Variants in CNBD1 observed in about 807,000 individuals in gnomAD.
CNBD1 encodes the protein cyclic nucleotide-binding domain-containing protein 1.
In CNBD1, 71 loss-of-function variants were observed where a neutral mutation model predicts 54.4. That is an observed-to-expected ratio of 1.30 (90% CI 1.08 to 1.59). The LOEUF is 1.59. Among genes scored for constraint, CNBD1 ranks in the 40% most tolerant of loss-of-function variants. CNBD1 has a pLI of 0.00. For synonymous variants in CNBD1, 182 were observed against 170.7 expected (o/e 1.07, Z -0.51); for missense variants, 659 against 518.0 (o/e 1.27, Z -2.64).
chr8:87,129,166 A>G (rs1286802005), intron 4 of CNBD1, among the ~76,000 whole-genome samples: 3 of 150,610 alleles, frequency 2.0e-5, no homozygotes, highest in Non-Finnish European at 4.4e-5. Context: ...TGGTATCAGA[A>G]TCATTCTAGT....
intron 8 of CNBD1, among the ~76,000 whole-genome samples, chr8:87,306,758 G>T (rs1019741134): frequency 6.6e-6 from 1 of 152,056 alleles, no homozygotes; most frequent in Non-Finnish European, 1.5e-5. Flanking sequence ...TGGGGATGTG[G>T]GGGAAGAGTG....
intron 8 of CNBD1, among the ~76,000 whole-genome samples, chr8:87,323,338 G>A (rs1411589021): frequency 7.5e-6 from 1 of 133,972 alleles, no homozygotes; most frequent in Non-Finnish European, 1.6e-5. Context: ...CCAATTCTGT[G>A]AAGAAAGTCA....
chr8:87,129,714 A>T (rs889648524), intron 4 of CNBD1, among the ~76,000 whole-genome samples: 2 of 152,158 alleles, frequency 1.3e-5, no homozygotes, highest in African/African-American at 4.8e-5. Context: ...TTTTAGCTCT[A>T]TCCATAATTT....
intron 4 of CNBD1, among the ~76,000 whole-genome samples, chr8:86,965,153 A>G (rs1033234284): frequency 7.9e-5 from 12 of 152,232 alleles, no homozygotes; most frequent in Non-Finnish European, 1.5e-4. Context: ...TCTACACAGT[A>G]GTATCTTTGT....
intron 2 of CNBD1, among the ~76,000 whole-genome samples, chr8:87,418,683 T>A (rs1424220790): frequency 6.6e-6 from 1 of 151,762 alleles, no homozygotes; most frequent in Non-Finnish European, 1.5e-5. Context: ...AATACCTTAT[T>A]TAAAAATAGA....
intron 8 of CNBD1, among the ~76,000 whole-genome samples, chr8:87,344,223 G>A (rs1319431371): frequency 6.6e-6 from 1 of 151,910 alleles, no homozygotes; most frequent in Non-Finnish European, 1.5e-5. Flanking sequence ...AATATCAATA[G>A]GAAGAAAATA....
intron 6 of CNBD1, among the ~76,000 whole-genome samples, chr8:87,259,212 CCT>C (rs1808085472): frequency 6.6e-6 from 1 of 152,090 alleles, no homozygotes; most frequent in South Asian, 2.1e-4. Flanking sequence ...CCTAAACATC[CCT>C]CTTTTTAAAC....
At position 86,939,722 on chromosome 8, in the gene CNBD1, A is replaced by G; in HGVS notation, c.399A>G (p.Lys133=). Reference sequence around the variant, plus strand: ...ATAGACCAAAAAGAGCCACAGAGAAATTTGAAGAATTCCTAGCTATCTTAA... The same window carrying G: ...ATAGACCAAAAAGAGCCACAGAGAAGTTTGAAGAATTCCTAGCTATCTTAA... ...ILYRPKRATE[K]FEEFLAILKK... is the part of the protein sequence containing the mutation. Residue 133 remains lysine, a synonymous_variant, in exon 4 of 11, where the codon AAA becomes AAG. Transcript: ENST00000518476. 6.3e-7 allele frequency: 1 copy of G among 1,581,668 alleles called. No homozygotes were observed. The highest frequency in any genetic ancestry group is 8.6e-7 in the Non-Finnish European group (1 of 1,161,474).
intron 10 of CNBD1, among the ~76,000 whole-genome samples, chr8:87,380,082 C>T (rs1024938865): frequency 4.6e-5 from 7 of 151,740 alleles, no homozygotes; most frequent in African/African-American, 1.7e-4. Context: ...GACAAAGGAA[C>T]CAAATATCTG....
In CNBD1 at chr8:87,423,523, A is replaced by T. The variant is rs967045037; in HGVS notation, c.214-5023A>T. On this transcript the variant is annotated intron_variant, in intron 2 of 7. Transcript: ENST00000521593. ...TTTGTCAAAGGCCTTTTCTGCATCT[A>T]TTGAGATAATCATGTGGTTTCTGTC... 2.3e-4 allele frequency among the ~76,000 whole-genome samples: 35 copies of T among 151,372 alleles called. No homozygotes were observed. In the East Asian group the frequency reaches 6.0e-3, roughly 26 times the overall value.
intron 4 of CNBD1, among the ~76,000 whole-genome samples, chr8:86,994,832 C>T (rs1171245413): frequency 1.3e-5 from 2 of 152,138 alleles, no homozygotes; most frequent in Non-Finnish European, 2.9e-5. Context: ...GTGGGAGTGG[C>T]ACTTCCTGCC....
At chr8:87,205,922 A>T in intron 4 of CNBD1, 71 bp from the exon 5 acceptor site, 1 of 1,219,954 alleles carries the variant, frequency 8.2e-7, no homozygotes. Context: ...GAAACTTAAA[A>T]ATTAAGGATC....
intron 3 of CNBD1, among the ~76,000 whole-genome samples, chr8:86,908,565 T>G (rs1459982972): frequency 6.6e-6 from 1 of 152,194 alleles, no homozygotes; most frequent in Non-Finnish European, 1.5e-5. Context: ...TTTTCATTAT[T>G]ATCATGCACT....
At chr8:87,229,406 G>T (rs115563417) in intron 5 of CNBD1, among the ~76,000 whole-genome samples, 8,076 of 152,036 alleles carry the variant, frequency 0.053, 696 homozygotes, top group African/African-American at 0.17. Flanking sequence ...CTTATATTTA[G>T]CTTGCATTAT....
chr8:86,981,675 G>A (rs1211738697), intron 4 of CNBD1, among the ~76,000 whole-genome samples: 1 of 152,106 alleles, frequency 6.6e-6, no homozygotes, highest in Admixed American at 6.6e-5. Flanking sequence ...AGTTGTATGT[G>A]CTAGACTTCA....
At chr8:86,987,809 T>C (rs1808641304) in intron 4 of CNBD1, among the ~76,000 whole-genome samples, 1 of 152,214 alleles carries the variant, frequency 6.6e-6, no homozygotes, top group Non-Finnish European at 1.5e-5. Context: ...TTGATTTGTG[T>C]ATGTTAAACC....
At chr8:87,188,758 A>AAAAAAT (rs1813535064) in intron 4 of CNBD1, among the ~76,000 whole-genome samples, 1 of 146,270 alleles carries the variant, frequency 6.8e-6, no homozygotes, top group African/African-American at 2.5e-5. Context: ...CAAAAAAAAA[A>AAAAAAT]AAAAATAAAA....
chr8:87,361,874 C>A (rs560832787), intron 10 of CNBD1, among the ~76,000 whole-genome samples: 6 of 151,854 alleles, frequency 4.0e-5, no homozygotes, highest in African/African-American at 1.4e-4. Context: ...TCCTTGAATT[C>A]TTGAAAAAGA....
intron 4 of CNBD1, among the ~76,000 whole-genome samples, chr8:87,096,876 A>C (rs1156646228): frequency 6.6e-6 from 1 of 152,060 alleles, no homozygotes; most frequent in Non-Finnish European, 1.5e-5. Context: ...TTAGCAGATT[A>C]AAAGGAAATT....
Sources: gnomAD v4.1 joint callset for allele counts (sites outside exome capture counted in the v4.1 genomes callset) on GRCh38, gnomAD v4.1.1 for gene constraint, MANE v1.5 for transcripts, NCBI Gene and HGNC (gene_info 2026-07-23, HGNC 2026-07-21) for gene names.